Variants in PCNX1 observed in about 807,000 individuals in gnomAD.
The protein encoded by PCNX1 is pecanex-like protein 1.
A neutral mutation model predicts 242.2 loss-of-function variants in PCNX1; 78 were observed. The ratio of observed to expected loss-of-function variants is 0.32; its 90% CI spans 0.27 to 0.39. PCNX1 has a LOEUF of 0.39. PCNX1 is among the 10% of genes least tolerant of loss of function. PCNX1 has a pLI of 1.00. For synonymous variants in PCNX1, 1,024 were observed against 1,032.9 expected (o/e 0.99, Z 0.17); for missense variants, 2,581 against 2,856.5 (o/e 0.90, Z 2.20).
At chr14:71,057,171 A>G (rs2061205831) in intron 25 of PCNX1, among the ~76,000 whole-genome samples, 1 of 151,868 alleles carries the variant, frequency 6.6e-6, no homozygotes. Context: ...TATTTTCCTC[A>G]TTTCTCTTCC....
Position 70,907,677 on chromosome 14 carries a change from G to C in PCNX1, c.-174G>C. Reference sequence around the variant, plus strand: ...TCGGGTCTCCTCCTCCTCGTTTGCTGCCTCCTCCTCCTCCTGCAGCAGCAC... The same window carrying C: ...TCGGGTCTCCTCCTCCTCGTTTGCTCCCTCCTCCTCCTCCTGCAGCAGCAC... On this transcript the variant is annotated 5_prime_UTR_variant, in exon 1 of 36. Transcript: ENST00000304743. The C allele has an allele frequency of 1.4e-6, 1 of 728,562 alleles. No individual in the cohort carries two copies. Among genetic ancestry groups the C allele is most frequent in the Non-Finnish European group, 1.8e-6 (1 of 554,666 alleles). 45.1% of individuals were successfully genotyped at this position (728,562 alleles called of 1,614,324 possible). A position where few individuals can be genotyped will look rare whatever the true frequency, so the allele number is the denominator to read the frequency against.
chr14:71,109,385 T>G, intron 34 of PCNX1, 67 bp from the exon 35 acceptor site: 1 of 1,389,236 alleles, frequency 7.2e-7, no homozygotes, highest in Non-Finnish European at 1.0e-6. Context: ...AGCATTTTGT[T>G]TGAGATTACA....
chr14:71,047,815 C>G lies in PCNX1; in HGVS notation c.4169C>G (p.Ala1390Gly). The G allele has an allele frequency of 3.1e-6, 5 of 1,607,760 alleles. No homozygotes were observed. The highest frequency in any genetic ancestry group is 4.3e-6 in the Non-Finnish European group (5 of 1,176,022). The change falls in exon 22 of 36, where the codon GCT (alanine) becomes GGT (glycine). Residue 1390 changes from alanine (A) to glycine (G), a missense_variant. This residue lies in a region of PCNX1 where 432 missense variants were observed against 443.1 expected (regional missense o/e 0.97). Coordinates refer to ENST00000304743, the MANE Select transcript of PCNX1 (RefSeq NM_014982.3). Reference sequence around the variant, plus strand: ...TTTTCTTTGTGCCACAGATTAGGTGCTTTAATGATCACTGTTGCTGGTTTG... The same window carrying G: ...TTTTCTTTGTGCCACAGATTAGGTGGTTTAATGATCACTGTTGCTGGTTTG... ...SPKKLNTELG[A>G]LMITVAGLKL...
At chr14:71,059,310 A>G (rs1228496170) in intron 26 of PCNX1, among the ~76,000 whole-genome samples, 1 of 152,214 alleles carries the variant, frequency 6.6e-6, no homozygotes, top group Non-Finnish European at 1.5e-5. Flanking sequence ...ATTTGAAAAT[A>G]CAGCAACCCT....
chr14:71,020,620 G>T (rs755019275), intron 12 of PCNX1, among the ~76,000 whole-genome samples: 1 of 152,250 alleles, frequency 6.6e-6, no homozygotes, highest in Non-Finnish European at 1.5e-5. Flanking sequence ...TTTGGATGGG[G>T]TTGTTTGTTT....
Position 70,977,581 on chromosome 14 carries a change from C to T in PCNX1, c.1244C>T (p.Ser415Leu), listed in dbSNP as rs1395413843. The change falls in exon 6 of 36, where the codon TCA (serine) becomes TTA (leucine). Residue 415 changes from serine (S) to leucine (L), a missense_variant. By Grantham distance (145) the Ser-to-Leu change is moderately radical. Transcript: ENST00000304743. ...TSSTHIESIL[S>L]EHEESPKAGT... ...TCAACTCACATAGAGAGCATCCTGT[C>T]AGAGCATGAGGAGTCTCCTAAAGCA... The T allele has an allele frequency of 1.1e-5, 18 of 1,614,022 alleles. No individual in the cohort carries two copies. Among genetic ancestry groups the T allele is most frequent in the Non-Finnish European group, 1.5e-5 (18 of 1,180,034 alleles).
intron 10 of PCNX1, 32 bp downstream of exon 10, chr14:71,011,581 A>C (rs1376108179): frequency 8.3e-7 from 1 of 1,203,054 alleles, no homozygotes; most frequent in Admixed American, 1.8e-5. Flanking sequence ...CAACATGATA[A>C]ATTTTCAGAT....
chr14:71,068,245 C>T (rs753734937), intron 26 of PCNX1, among the ~76,000 whole-genome samples: 6 of 151,812 alleles, frequency 4.0e-5, no homozygotes, highest in South Asian at 2.1e-4. Context: ...GCAGGAGAAT[C>T]GCTTGAACCC....
intron 1 of PCNX1, among the ~76,000 whole-genome samples, chr14:70,936,878 G>A (rs921034600): frequency 2.6e-5 from 4 of 152,170 alleles, no homozygotes; most frequent in African/African-American, 9.7e-5. Flanking sequence ...TTCTCTGATG[G>A]CCAGTGATGA....
intron 26 of PCNX1, among the ~76,000 whole-genome samples, chr14:71,069,259 C>T (rs2061532010): frequency 6.6e-6 from 1 of 152,168 alleles, no homozygotes; most frequent in African/African-American, 2.4e-5. Flanking sequence ...AATTCAAGAT[C>T]AGATTTGGGT....
In PCNX1 at chr14:71,052,009, A is replaced by G. The variant is rs773145738; in HGVS notation, c.4574A>G (p.Tyr1525Cys). ...CCTGTGAAATTCTGGGAGAGAGACT[A>G]TAAGTGAGTAAAGTAAAACACTTGA... ...VRPVKFWERDYNTKRVDHSNT... is the reference protein window; with the variant it reads ...VRPVKFWERDCNTKRVDHSNT... Residue 1525 changes from tyrosine to cysteine, a missense_variant, in exon 24 of 36, where the codon TAT becomes TGT. Tyr to Cys is a radical substitution (Grantham distance 194, BLOSUM62 -2). This residue lies in a region of PCNX1 where 99 missense variants were observed against 147.3 expected (regional missense o/e 0.67). Coordinates refer to ENST00000304743, the MANE Select transcript of PCNX1 (RefSeq NM_014982.3). 6.2e-7 allele frequency: 1 copy of G among 1,609,246 alleles called. No homozygotes were observed. The highest frequency in any genetic ancestry group is 1.1e-5 in the South Asian group (1 of 90,082).
chr14:71,109,026 G>T lies in PCNX1; in HGVS notation c.6724G>T (p.Glu2242Ter). 6.2e-7 allele frequency: 1 copy of T among 1,612,786 alleles called. No individual in the cohort carries two copies. ...PANNSHSRKA[E>*]VIYRVQIVDP... ...CAACAATTCACACTCCAGAAAGGCA[G>T]AAGTGATTTACAGAGTCCAAGTAAG... Residue 2242 changes from glutamate (E) to a stop codon, truncating the protein, a stop_gained, in exon 34 of 36, where the codon GAA becomes TAA. Coordinates refer to ENST00000304743, the MANE Select transcript of PCNX1 (RefSeq NM_014982.3). LOFTEE classifies it high-confidence loss of function.
At chr14:71,051,748 C>T in intron 23 of PCNX1, 135 bp from the exon 24 acceptor site, 1 of 784,948 alleles carries the variant, frequency 1.3e-6, no homozygotes. Flanking sequence ...AGTGATATAC[C>T]TTCTTTTGTA....
At chr14:70,991,491 A>G (rs984906247) in intron 7 of PCNX1, among the ~76,000 whole-genome samples, 3 of 152,206 alleles carry the variant, frequency 2.0e-5, no homozygotes, top group African/African-American at 7.2e-5. Flanking sequence ...GGCATGAGCC[A>G]CTGCGCCCAG....
intron 5 of PCNX1, among the ~76,000 whole-genome samples, chr14:70,972,938 G>GA (rs1343474861): frequency 3.3e-5 from 5 of 152,188 alleles, no homozygotes; most frequent in African/African-American, 1.2e-4. Flanking sequence ...GATTTACAAA[G>GA]AGGGAGTATA....
intron 6 of PCNX1, among the ~76,000 whole-genome samples, chr14:70,978,867 A>G (rs1003657178): frequency 1.3e-5 from 2 of 152,112 alleles, no homozygotes; most frequent in Non-Finnish European, 2.9e-5. Context: ...GAATACGTCA[A>G]TTTGTTCTTG....
At chr14:70,918,468 A>G (rs1382669695) in intron 1 of PCNX1, among the ~76,000 whole-genome samples, 1 of 152,260 alleles carries the variant, frequency 6.6e-6, no homozygotes, top group Non-Finnish European at 1.5e-5. Context: ...CTAAAATAGT[A>G]AAATCAAAGA....
intron 26 of PCNX1, among the ~76,000 whole-genome samples, chr14:71,072,697 C>A (rs1255861553): frequency 6.6e-6 from 1 of 152,124 alleles, no homozygotes; most frequent in Non-Finnish European, 1.5e-5. Flanking sequence ...ACTTTATAGT[C>A]TTTACATAAT....
chr14:71,023,334 C>T (rs895834100), intron 13 of PCNX1, 102 bp downstream of exon 13: 2 of 796,150 alleles, frequency 2.5e-6, no homozygotes, highest in South Asian at 1.6e-5. Flanking sequence ...AATGCATCAG[C>T]CTGAACTAAA....
Sources: gnomAD v4.1 joint callset for allele counts (sites outside exome capture counted in the v4.1 genomes callset) on GRCh38, gnomAD v4.1.1 for gene constraint, gnomAD v4.1.1 regional missense constraint, MANE v1.5 for transcripts, NCBI Gene and HGNC (gene_info 2026-07-23, HGNC 2026-07-21) for gene names.